RBFOX2: variants seen among roughly 807,000 people sequenced by gnomAD.
RBFOX2 encodes the protein RNA binding fox-1 homolog 2.
A neutral mutation model predicts 49.1 loss-of-function variants in RBFOX2; 10 were observed. That is an observed-to-expected ratio of 0.20 (90% confidence interval 0.13 to 0.35). The LOEUF (loss-of-function observed/expected upper bound fraction) is 0.35. Ranked by LOEUF, RBFOX2 falls within the 10% of genes least tolerant of loss-of-function variation. The pLI is 1.00. For missense variants in RBFOX2, 323 were observed against 486.9 expected, an observed-to-expected ratio of 0.66 and a Z score of 3.17; for synonymous variants, 183 against 187.4, an observed-to-expected ratio of 0.98 and a Z score of 0.19.
intron 1 of RBFOX2, among the ~76,000 whole-genome samples, chr22:35,825,787 C>A (rs1955542140): frequency 6.6e-6 from 1 of 151,642 alleles, no homozygotes; most frequent in Non-Finnish European, 1.5e-5. Flanking sequence ...TCGAGACCAG[C>A]CTAACCAACA....
At chr22:35,768,796 A>C (rs1412163390) in intron 4 of RBFOX2, among the ~76,000 whole-genome samples, 1 of 152,192 alleles carries the variant, frequency 6.6e-6, no homozygotes, top group African/African-American at 2.4e-5. Context: ...TTTTCCAGTA[A>C]CTGCTACATG....
intron 1 of RBFOX2, among the ~76,000 whole-genome samples, chr22:35,894,509 A>G (rs1341685820): frequency 6.6e-6 from 1 of 152,180 alleles, no homozygotes; most frequent in Non-Finnish European, 1.5e-5. Flanking sequence ...CAGTTCCTGA[A>G]GCAACCAGCT....
intron 5 of RBFOX2, among the ~76,000 whole-genome samples, chr22:35,767,562 G>C (rs1430708427): frequency 6.6e-6 from 1 of 152,122 alleles, no homozygotes; most frequent in Non-Finnish European, 1.5e-5. Flanking sequence ...GTTAACCTTC[G>C]ATGTGTTATC....
At chr22:35,739,140 G>C (rs1235946377) in exon 12 of RBFOX2, 2 of 153,794 alleles carry the variant, frequency 1.3e-5, no homozygotes, top group African/African-American at 4.8e-5. Context: ...GAGAAGGCTA[G>C]GTGGTCGATT....
chr22:35,957,554 A>C (rs1186743015), intron 1 of RBFOX2, among the ~76,000 whole-genome samples: 1 of 152,248 alleles, frequency 6.6e-6, no homozygotes, highest in Non-Finnish European at 1.5e-5. Flanking sequence ...TAGTCTAAGA[A>C]GCAGAAATTG....
At chr22:35,963,193 T>G (rs2056354895), upstream of RBFOX2, among the ~76,000 whole-genome samples, 1 of 151,888 alleles carries the variant, frequency 6.6e-6, no homozygotes, top group Non-Finnish European at 1.5e-5. Context: ...ATGCCTCTAG[T>G]TAACACACAG....
intron 1 of RBFOX2, among the ~76,000 whole-genome samples, chr22:35,927,604 CAAAAAAAAAAAA>C (rs361700): frequency 3.0e-4 from 15 of 49,194 alleles, no homozygotes; most frequent in African/African-American, 9.0e-4. Context: ...AACTCCGTCT[CAAAAAAAAAAAA>C]AAAAAAAAAA....
chr22:35,858,592 G>A (rs1264589440), intron 1 of RBFOX2, among the ~76,000 whole-genome samples: 1 of 152,040 alleles, frequency 6.6e-6, no homozygotes, highest in East Asian at 1.9e-4. Flanking sequence ...TTAGGAAGTC[G>A]AGGTGGGTGG....
At chr22:35,907,106 T>C (rs1411169427) in intron 1 of RBFOX2, among the ~76,000 whole-genome samples, 1 of 152,206 alleles carries the variant, frequency 6.6e-6, no homozygotes, top group African/African-American at 2.4e-5. Flanking sequence ...TAAGGCTGGG[T>C]CACTCTGATA....
At chr22:35,936,680 G>A (rs2053111831) in intron 1 of RBFOX2, among the ~76,000 whole-genome samples, 1 of 152,142 alleles carries the variant, frequency 6.6e-6, no homozygotes, top group Non-Finnish European at 1.5e-5. Context: ...TCTGTAACAG[G>A]CCTGCAGCAG....
At chr22:35,921,574 C>T (rs1185775831) in intron 1 of RBFOX2, among the ~76,000 whole-genome samples, 1 of 152,200 alleles carries the variant, frequency 6.6e-6, no homozygotes, top group African/African-American at 2.4e-5. Context: ...AATACATGCT[C>T]ACTGGATACT....
intron 1 of RBFOX2, among the ~76,000 whole-genome samples, chr22:35,954,594 T>C (rs1323260338): frequency 6.6e-6 from 1 of 152,160 alleles, no homozygotes; most frequent in Non-Finnish European, 1.5e-5. Flanking sequence ...ACCACTTCCA[T>C]AGTAATGGCC....
Position 35,749,279 on chromosome 22 carries a change from A to T in RBFOX2, c.888-2718T>A, listed in dbSNP as rs1240740753. On this transcript the variant is annotated intron_variant, in intron 9 of 11. Coordinates refer to ENST00000405409, the Ensembl canonical transcript of RBFOX2. The surrounding 1 kb of genome is among the most constrained non-coding windows in gnomAD (Gnocchi z 4.1). The stretch of plus-strand genomic sequence containing the variant: ...TGAAAACAAAAGGCTCAAGAATATC[A>T]GCACTAAGAAAAAACACATGAAGAG... Among the ~76,000 whole-genome samples the T allele has an allele frequency of 1.3e-5, 2 of 152,230 alleles. No individual in the cohort carries two copies. Among genetic ancestry groups the T allele is most frequent in the Non-Finnish European group, 2.9e-5 (2 of 68,036 alleles).
rs1044642097 is a variant in RBFOX2, at chr22:35,867,736, T to C, written c.-33-57732A>G. The stretch of plus-strand genomic sequence containing the variant: ...AAAATTAAGGGCTCCCATCTTCCAT[T>C]TGACCATCAGTTCTACAATTTAAAA... On this transcript the variant is annotated intron_variant, in intron 1 of 13. Coordinates refer to the RBFOX2 transcript ENST00000359369. Among the ~76,000 whole-genome samples the C allele has an allele frequency of 7.2e-5, 11 of 152,326 alleles. No homozygotes were observed. The East Asian group carries it at 1.2e-3, about 16-fold the overall frequency.
intron 1 of RBFOX2, among the ~76,000 whole-genome samples, chr22:35,856,493 G>A (rs1156940935): frequency 1.3e-5 from 2 of 152,144 alleles, no homozygotes; most frequent in African/African-American, 4.8e-5. Flanking sequence ...AAAGATTGCC[G>A]AGATTTCTGC....
intron 1 of RBFOX2, among the ~76,000 whole-genome samples, chr22:35,926,220 T>C (rs1237056159): frequency 6.6e-6 from 1 of 152,184 alleles, no homozygotes; most frequent in East Asian, 1.9e-4. Context: ...CACAAAATGG[T>C]AGCCAGAATT....
intron 9 of RBFOX2, among the ~76,000 whole-genome samples, chr22:35,748,911 C>T (rs947064913): frequency 1.3e-5 from 2 of 152,196 alleles, no homozygotes; most frequent in Non-Finnish European, 2.9e-5. Flanking sequence ...ACTGGAGGTA[C>T]GATCTCTGAG....
At chr22:36,001,359 C>G (rs911290696) in intron 1 of RBFOX2, among the ~76,000 whole-genome samples, 8 of 151,936 alleles carry the variant, frequency 5.3e-5, no homozygotes, top group Non-Finnish European at 2.9e-5. Flanking sequence ...ATAAAAAGTT[C>G]CTACATATCA....
In RBFOX2 at chr22:35,925,722, G is replaced by T. The variant is rs141008717; in HGVS notation, c.-34+13125C>A. ...AACCCACATTTAATTCCAAAGCTACGCTACCCCACCCCACAGTGTGGCTTG... is the reference window on the plus strand; with the variant it reads ...AACCCACATTTAATTCCAAAGCTACTCTACCCCACCCCACAGTGTGGCTTG... On this transcript the variant is annotated intron_variant, in intron 1 of 13. Coordinates refer to the RBFOX2 transcript ENST00000359369. Among the ~76,000 whole-genome samples the T allele has an allele frequency of 1.6e-3, 241 of 152,294 alleles. 1 individual carries two copies. The highest frequency in any genetic ancestry group is 0.01 in the South Asian group (50 of 4,828).
Sources: gnomAD v4.1 joint callset for allele counts (sites outside exome capture counted in the v4.1 genomes callset) on GRCh38, gnomAD v4.1.1 for gene constraint, Gnocchi (gnomAD v3.1) non-coding constraint, MANE v1.5 for transcripts, NCBI Gene and HGNC (gene_info 2026-07-23, HGNC 2026-07-21) for gene names.